GNG2: variants seen among roughly 807,000 people sequenced by gnomAD.
GNG2 encodes guanine nucleotide-binding protein G(I)/G(S)/G(O) subunit gamma-2.
GNG2 carries 5 observed loss-of-function variants against 5.5 expected under a neutral mutation model. That is an observed-to-expected ratio of 0.91 (90% confidence interval 0.48 to 1.92). GNG2 has a LOEUF of 1.92. Among genes scored for constraint, GNG2 ranks in the 30% most tolerant of loss-of-function variants. The pLI, the probability that GNG2 is intolerant of heterozygous loss-of-function variation, is 0.01. For synonymous variants in GNG2, 28 were observed against 32.0 expected, an observed-to-expected ratio of 0.88 and a Z score of 0.42; for missense variants, 55 against 88.4, an observed-to-expected ratio of 0.62 and a Z score of 1.52.
At position 51,847,887 on chromosome 14, in the gene GNG2, T is replaced by C. The variant is rs899830551; in HGVS notation, c.64+20080T>C. On this transcript the variant is annotated intron_variant, in intron 2 of 3. Transcript: ENST00000553432. ...ATGAATACAGGTCCTTTTTCTTTTT[T>C]TTTTTTTTTTTTTTTTTTTTTGTAA... Among the ~76,000 whole-genome samples, 19 of 145,838 alleles carry C rather than the reference T, an allele frequency of 1.3e-4. 1 individual carries two copies. The highest frequency in any genetic ancestry group is 4.8e-4 in the African/African-American group (19 of 39,416).
intron 2 of GNG2, among the ~76,000 whole-genome samples, chr14:51,924,473 T>C (rs8007155): frequency 0.36 from 54,066 of 152,006 alleles, 10,980 homozygotes; most frequent in Non-Finnish European, 0.46. Flanking sequence ...TGGGCCAATA[T>C]GTGTTACCTC....
intron 2 of GNG2, among the ~76,000 whole-genome samples, chr14:51,852,472 T>C (rs1471406393): frequency 2.6e-5 from 4 of 152,222 alleles, no homozygotes; most frequent in African/African-American, 4.8e-5. Flanking sequence ...TGGTTGAAGA[T>C]AGAGGTAAAT....
intron 2 of GNG2, among the ~76,000 whole-genome samples, chr14:51,924,278 GCATACTATA>G (rs1435319990): frequency 1.6e-4 from 24 of 152,162 alleles, no homozygotes; most frequent in African/African-American, 5.8e-4. Context: ...AGTCAAAATG[GCATACTATA>G]CATGGAAGAC....
chr14:51,851,311 A>T (rs1881898630), intron 2 of GNG2, among the ~76,000 whole-genome samples: 1 of 152,212 alleles, frequency 6.6e-6, no homozygotes, highest in African/African-American at 2.4e-5. Context: ...CAAAATCTAC[A>T]CAGAAATCTT....
chr14:51,907,044 C>A (rs577917907), intron 2 of GNG2, among the ~76,000 whole-genome samples: 2 of 152,148 alleles, frequency 1.3e-5, no homozygotes, highest in African/African-American at 4.8e-5. Flanking sequence ...CATGAGCCAC[C>A]GTGCCCGGCC....
At chr14:51,839,610 G>A (rs921254694) in intron 2 of GNG2, among the ~76,000 whole-genome samples, 4 of 152,110 alleles carry the variant, frequency 2.6e-5, no homozygotes, top group Non-Finnish European at 5.9e-5. Flanking sequence ...GTTGTCAGAC[G>A]CCAGGGGTTG....
chr14:51,931,239 G>T (rs991128670), intron 2 of GNG2, among the ~76,000 whole-genome samples: 2 of 152,220 alleles, frequency 1.3e-5, no homozygotes, highest in Non-Finnish European at 2.9e-5. Context: ...GGGGTTTGCT[G>T]GTAGGTTGGA....
At chr14:51,885,241 A>G (rs1246583760) in intron 2 of GNG2, among the ~76,000 whole-genome samples, 1 of 152,232 alleles carries the variant, frequency 6.6e-6, no homozygotes, top group African/African-American at 2.4e-5. Context: ...TATCTGAACT[A>G]TGTAAATATC....
intron 1 of GNG2, among the ~76,000 whole-genome samples, chr14:51,862,039 A>T (rs757408199): frequency 7.9e-5 from 12 of 152,158 alleles, no homozygotes; most frequent in African/African-American, 1.7e-4. Flanking sequence ...GCTAGTTGAG[A>T]GTGTATGTAT....
At chr14:51,914,237 A>T in intron 2 of GNG2, 1 of 702,280 alleles carries the variant, frequency 1.4e-6, no homozygotes, top group East Asian at 2.7e-5. Context: ...CATTGAATGG[A>T]GTTATTAGGC....
chr14:51,833,018 A>G (rs1355821287), intron 2 of GNG2, among the ~76,000 whole-genome samples: 1 of 152,162 alleles, frequency 6.6e-6, no homozygotes, highest in Admixed American at 6.5e-5. Context: ...CCTTTCAGAG[A>G]TTGGAAAAAT....
rs186447419 is a variant in GNG2, at chr14:51,884,264, A to T, written c.-30+6607A>T. ...CAGAACCAAAGTGATGCTAGCAGAG[A>T]GGGCTGGTGGTAGTGAGAACTACAG... On this transcript the variant is annotated intron_variant, in intron 2 of 3. Coordinates refer to ENST00000556766, the MANE Select transcript of GNG2 (RefSeq NM_053064.5). Among the ~76,000 whole-genome samples the T allele has an allele frequency of 2.0e-5, 3 of 152,314 alleles. No homozygotes were observed. In the East Asian group the frequency reaches 5.8e-4, roughly 29 times the overall value.
intron 2 of GNG2, among the ~76,000 whole-genome samples, chr14:51,926,512 G>T (rs1367287051): frequency 6.6e-6 from 1 of 152,166 alleles, no homozygotes; most frequent in Non-Finnish European, 1.5e-5. Flanking sequence ...TGCTCAGCAC[G>T]TGGTGAGAAA....
intron 2 of GNG2, among the ~76,000 whole-genome samples, chr14:51,909,781 A>C (rs78746005): frequency 6.6e-6 from 1 of 152,358 alleles, no homozygotes; most frequent in Non-Finnish European, 1.5e-5. Context: ...TGCATTGATG[A>C]AGGCACTAAA....
At chr14:51,906,664 C>T (rs1294362953) in intron 2 of GNG2, among the ~76,000 whole-genome samples, 1 of 151,664 alleles carries the variant, frequency 6.6e-6, no homozygotes, top group Non-Finnish European at 1.5e-5. Flanking sequence ...AATGAATTTG[C>T]AATTGATCTG....
At chr14:51,953,867 G>A (rs144274018) in intron 3 of GNG2, among the ~76,000 whole-genome samples, 1 of 152,254 alleles carries the variant, frequency 6.6e-6, no homozygotes, top group Non-Finnish European at 1.5e-5. Context: ...AAGATCCCAG[G>A]CTTGTGATTT....
chr14:51,883,101 A>G (rs1460556423), intron 2 of GNG2, among the ~76,000 whole-genome samples: 1 of 152,178 alleles, frequency 6.6e-6, no homozygotes, highest in Non-Finnish European at 1.5e-5. Context: ...AATTTCATAT[A>G]TATAAATACT....
At chr14:51,836,406 C>T (rs1881334173) in intron 2 of GNG2, among the ~76,000 whole-genome samples, 1 of 152,026 alleles carries the variant, frequency 6.6e-6, no homozygotes, top group South Asian at 2.1e-4. Flanking sequence ...ATTGAGTCAC[C>T]TTGAACTCTT....
chr14:51,826,913 C>G (rs1382483004), intron 1 of GNG2, among the ~76,000 whole-genome samples: 1 of 152,186 alleles, frequency 6.6e-6, no homozygotes, highest in Non-Finnish European at 1.5e-5. Context: ...GAGGTTTTCT[C>G]CAGCCATGCT....
Sources: allele counts gnomAD v4.1 joint callset (sites outside exome capture counted in the v4.1 genomes callset), GRCh38; gene constraint gnomAD v4.1.1; transcripts MANE v1.5; gene names NCBI Gene and HGNC (gene_info 2026-07-23, HGNC 2026-07-21).